TAB2: variants seen among roughly 807,000 people sequenced by gnomAD.
TAB2 encodes the protein TGF-beta activated kinase 1 (MAP3K7) binding protein 2, also known as TGF-beta-activated kinase 1 and MAP3K7-binding protein 2.
TAB2 carries 3 observed loss-of-function variants against 65.0 expected under a neutral mutation model. The ratio of observed to expected loss-of-function variants is 0.05; its 90% CI spans 0.02 to 0.12. The LOEUF is 0.12. TAB2 is among the 10% of genes least tolerant of loss of function. The pLI, the probability that TAB2 is intolerant of heterozygous loss-of-function variation, is 1.00. For synonymous variants in TAB2, 298 were observed against 285.1 expected (o/e 1.05, Z -0.46); for missense variants, 623 against 840.3 (o/e 0.74, Z 3.20).
chr6:149,317,369 G>T (rs961144626), upstream of TAB2, among the ~76,000 whole-genome samples: 1 of 151,764 alleles, frequency 6.6e-6, no homozygotes, highest in African/African-American at 2.4e-5. The surrounding 1 kb of genome is among the most constrained non-coding windows in gnomAD (Gnocchi z 4.7). Context: ...TGCGAGTGTC[G>T]GGGGAGGGGT....
chr6:149,325,287 G>A (rs926626756), intron 1 of TAB2, among the ~76,000 whole-genome samples: 1 of 152,154 alleles, frequency 6.6e-6, no homozygotes, highest in African/African-American at 2.4e-5. Context: ...CATAGAACAG[G>A]TGAATTCTTG....
intron 1 of TAB2, among the ~76,000 whole-genome samples, chr6:149,306,566 A>C (rs1347352520): frequency 6.6e-6 from 1 of 150,756 alleles, no homozygotes; most frequent in Non-Finnish European, 1.5e-5. Context: ...TCAAAAAAAA[A>C]AAAAAAACAA....
intron 1 of TAB2, among the ~76,000 whole-genome samples, chr6:149,300,466 A>T (rs1438575409): frequency 6.6e-6 from 1 of 152,212 alleles, no homozygotes; most frequent in East Asian, 1.9e-4. Flanking sequence ...AAAAGTCTTT[A>T]AAATCCCTTC....
intron 1 of TAB2, among the ~76,000 whole-genome samples, chr6:149,335,301 A>ATATG (rs879882212): frequency 2.3e-4 from 35 of 151,256 alleles, no homozygotes; most frequent in East Asian, 1.4e-3. Flanking sequence ...TTATATATAG[A>ATATG]TATGTATGTA....
intron 3 of TAB2, among the ~76,000 whole-genome samples, chr6:149,395,212 ATAAGT>A (rs1479077620): frequency 2.0e-5 from 3 of 152,266 alleles, no homozygotes; most frequent in Admixed American, 6.5e-5. Flanking sequence ...AAAATAATAG[ATAAGT>A]TAATTATGTT....
chr6:149,309,178 T>C (rs632262), intron 1 of TAB2, among the ~76,000 whole-genome samples: 78,500 of 151,716 alleles, frequency 0.52, 20,893 homozygotes, highest in African/African-American at 0.65. Flanking sequence ...TGATAGATGA[T>C]ATTTAAGTCA....
intron 1 of TAB2, among the ~76,000 whole-genome samples, chr6:149,327,481 TA>T (rs1383449576): frequency 6.6e-6 from 1 of 152,192 alleles, no homozygotes; most frequent in Non-Finnish European, 1.5e-5. Context: ...GGTTAATTTT[TA>T]AAAGGCAATT....
At chr6:149,297,596 C>T (rs1778900268) in intron 1 of TAB2, among the ~76,000 whole-genome samples, 1 of 152,174 alleles carries the variant, frequency 6.6e-6, no homozygotes, top group Non-Finnish European at 1.5e-5. Flanking sequence ...ATGATCATAG[C>T]TCACTGCATC....
intron 1 of TAB2, among the ~76,000 whole-genome samples, chr6:149,267,981 A>G (rs1297410268): frequency 6.6e-6 from 1 of 152,234 alleles, no homozygotes; most frequent in Non-Finnish European, 1.5e-5. Flanking sequence ...ATGAATTAGT[A>G]TCATCACCCA....
At chr6:149,302,164 G>A (rs1247816115) in intron 1 of TAB2, among the ~76,000 whole-genome samples, 3 of 152,042 alleles carry the variant, frequency 2.0e-5, no homozygotes, top group Non-Finnish European at 1.5e-5. Flanking sequence ...TTTCCCAAAT[G>A]CTAGAAAATT....
chr6:149,309,699 A>C (rs1347019581), intron 1 of TAB2, among the ~76,000 whole-genome samples: 1 of 129,796 alleles, frequency 7.7e-6, no homozygotes, highest in East Asian at 2.4e-4. Flanking sequence ...GCCTGCCCTC[A>C]ATTATTCCTC....
At chr6:149,371,017 G>A (rs1781206016) in intron 2 of TAB2, among the ~76,000 whole-genome samples, 1 of 137,276 alleles carries the variant, frequency 7.3e-6, no homozygotes, top group East Asian at 2.1e-4. Flanking sequence ...AGTGAGCTGG[G>A]ATCGCGCCAC....
At chr6:149,246,509 T>C (rs1303691697) in intron 1 of TAB2, 1 of 152,256 alleles carries the variant, frequency 6.6e-6, no homozygotes, top group Non-Finnish European at 1.5e-5. Flanking sequence ...TATTCGACCA[T>C]AGCCTTTTAA....
chr6:149,355,432 G>A (rs1460645044), intron 1 of TAB2, among the ~76,000 whole-genome samples: 3 of 151,978 alleles, frequency 2.0e-5, no homozygotes, highest in Non-Finnish European at 2.9e-5. Context: ...TTGGGAGGCC[G>A]AGGTGGGTGG....
At chr6:149,347,606 G>C (rs1780346652) in intron 1 of TAB2, among the ~76,000 whole-genome samples, 1 of 152,032 alleles carries the variant, frequency 6.6e-6, no homozygotes, top group Non-Finnish European at 1.5e-5. Context: ...TAAAGTTTAT[G>C]GTAAAGATTG....
At chr6:149,359,359 C>T (rs1041459311) in intron 1 of TAB2, among the ~76,000 whole-genome samples, 1 of 152,146 alleles carries the variant, frequency 6.6e-6, no homozygotes. Context: ...AGTTTCTTTT[C>T]TACACCTGTA....
intron 1 of TAB2, among the ~76,000 whole-genome samples, chr6:149,357,430 A>AAAAAC: frequency 4.5e-5 from 5 of 111,182 alleles, no homozygotes; most frequent in East Asian, 3.1e-4. Flanking sequence ...AGAAAAAAAA[A>AAAAAC]ACACACACAC....
rs369964049 is a variant in TAB2 at position 149,254,305 on chromosome 6, G to A, written c.-121+35529G>A. Among the ~76,000 whole-genome samples the A allele has an allele frequency of 2.6e-4, 39 of 152,324 alleles. 3 individuals carry two copies. Among genetic ancestry groups the A allele is most frequent in the Admixed American group, 1.5e-3 (23 of 15,292 alleles). On this transcript the variant is annotated intron_variant, in intron 1 of 1. Transcript: ENST00000606202. Reference sequence around the variant, plus strand: ...CACAGGAGAGTAAGGCAGAAGGCTTGGTAGAACCATGTGAAGCCTGACCAG... The same window carrying A: ...CACAGGAGAGTAAGGCAGAAGGCTTAGTAGAACCATGTGAAGCCTGACCAG...
chr6:149,273,425 T>C (rs1778401008), intron 1 of TAB2, among the ~76,000 whole-genome samples: 1 of 152,132 alleles, frequency 6.6e-6, no homozygotes, highest in African/African-American at 2.4e-5. Flanking sequence ...GAAAACGGGC[T>C]GGGAGGAAGC....
Sources: gnomAD v4.1 joint callset for allele counts (sites outside exome capture counted in the v4.1 genomes callset) on GRCh38, gnomAD v4.1.1 for gene constraint, Gnocchi (gnomAD v3.1) non-coding constraint, MANE v1.5 for transcripts, NCBI Gene and HGNC (gene_info 2026-07-23, HGNC 2026-07-21) for gene names.